Variants in LOC122539214 observed in about 807,000 individuals in gnomAD.
the LOC122539214 span, among the ~76,000 whole-genome samples, chr19:52,657,047 C>A: frequency 2.6e-5 from 4 of 151,864 alleles, no homozygotes; most frequent in African/African-American, 9.7e-5. Context: ...GCCTGGAGAG[C>A]AGAGTTTGAA....
the LOC122539214 span, among the ~76,000 whole-genome samples, chr19:52,658,755 T>C: frequency 6.6e-6 from 1 of 152,096 alleles, no homozygotes; most frequent in Non-Finnish European, 1.5e-5. Flanking sequence ...GTTAAGCCTG[T>C]TTACCCTACC....
the LOC122539214 span, among the ~76,000 whole-genome samples, chr19:52,676,772 T>C: frequency 7.2e-6 from 1 of 139,368 alleles, no homozygotes; most frequent in Non-Finnish European, 1.5e-5. Flanking sequence ...TTTCATTTTG[T>C]TCTGCACTAA....
chr19:52,653,947 G>A, the LOC122539214 span: 2 of 1,190,572 alleles, frequency 1.7e-6, no homozygotes, highest in Non-Finnish European at 2.5e-6. Flanking sequence ...TGTCAATAAT[G>A]AAGAATGGAG....
the LOC122539214 span, among the ~76,000 whole-genome samples, chr19:52,673,487 G>A: frequency 6.7e-6 from 1 of 149,792 alleles, no homozygotes; most frequent in Non-Finnish European, 1.5e-5. Context: ...TACACAAGAA[G>A]AGTGTAACTC....
the LOC122539214 span, chr19:52,660,756 CT>C: frequency 4.7e-6 from 1 of 210,798 alleles, no homozygotes. Context: ...AGGAATATCA[CT>C]TTACCTGAGG....
the LOC122539214 span, chr19:52,654,042 G>C: frequency 1.3e-6 from 2 of 1,582,920 alleles, no homozygotes; most frequent in Non-Finnish European, 1.7e-6. Context: ...AAGCATTGTT[G>C]ATAGACTTCT....
the LOC122539214 span, among the ~76,000 whole-genome samples, chr19:52,662,293 C>T: frequency 6.6e-6 from 1 of 152,124 alleles, no homozygotes; most frequent in Non-Finnish European, 1.5e-5. Context: ...TGTAGGACTG[C>T]AAGGGAATGT....
chr19:52,684,254 T>G, the LOC122539214 span, among the ~76,000 whole-genome samples: 193 of 152,148 alleles, frequency 1.3e-3, no homozygotes, highest in South Asian at 2.3e-3. Context: ...TAATCCCAGC[T>G]ACTCGGGAGG....
the LOC122539214 span, among the ~76,000 whole-genome samples, chr19:52,656,312 A>T: frequency 2.0e-5 from 3 of 151,964 alleles, 1 homozygote; most frequent in African/African-American, 7.3e-5. Flanking sequence ...ACTTAAGGTC[A>T]GGAGTTTGAG....
chr19:52,683,256 GTGTGTGTGTGTGTGTGTGTGTGTGTA>G, the LOC122539214 span, among the ~76,000 whole-genome samples: 614 of 146,902 alleles, frequency 4.2e-3, 3 homozygotes, highest in African/African-American at 0.014. Flanking sequence ...GTGTGTGTGT[GTGTGTGTGTGTGTGTGTGTGTGTGTA>G]TGCTCACGTG....
At chr19:52,651,679 G>C in the LOC122539214 span, 1 of 69,762 alleles carries the variant, frequency 1.4e-5, no homozygotes, top group Non-Finnish European at 2.6e-5. Context: ...GAAAGACTCT[G>C]TCTCAAAAAA....
chr19:52,687,383 A>G, the LOC122539214 span, among the ~76,000 whole-genome samples: 6 of 60,292 alleles, frequency 1.0e-4, 2 homozygotes, highest in African/African-American at 3.9e-4. Flanking sequence ...ATTATAATTT[A>G]TATATATATA....
the LOC122539214 span, among the ~76,000 whole-genome samples, chr19:52,682,340 G>T: frequency 8.1e-3 from 1,227 of 152,190 alleles, 12 homozygotes; most frequent in Non-Finnish European, 0.012. Flanking sequence ...AGCTATGATT[G>T]CACCACTGCA....
chr19:52,675,177 T>G, the LOC122539214 span, among the ~76,000 whole-genome samples: 1 of 152,192 alleles, frequency 6.6e-6, no homozygotes, highest in African/African-American at 2.4e-5. Context: ...CTAATAGCAT[T>G]AACTTGTTTT....
At chr19:52,663,214 G>T in the LOC122539214 span, among the ~76,000 whole-genome samples, 1 of 152,138 alleles carries the variant, frequency 6.6e-6, no homozygotes, top group South Asian at 2.1e-4. Context: ...CTGAGCAAAA[G>T]AAATGTCTCT....
At chr19:52,659,613 CAA>C in the LOC122539214 span, among the ~76,000 whole-genome samples, 8 of 114,212 alleles carry the variant, frequency 7.0e-5, no homozygotes, top group Admixed American at 1.9e-4. Context: ...GACTCCAACT[CAA>C]AAAAAAAAAA....
At chr19:52,668,775 G>A in the LOC122539214 span, among the ~76,000 whole-genome samples, 2 of 152,216 alleles carry the variant, frequency 1.3e-5, no homozygotes, top group Non-Finnish European at 2.9e-5. Context: ...CAGGCCAGAG[G>A]CCCAGATTGT....
the LOC122539214 span, among the ~76,000 whole-genome samples, chr19:52,682,394 T>A: frequency 3.3e-5 from 5 of 151,994 alleles, no homozygotes; most frequent in East Asian, 9.7e-4. Context: ...AAAATAATTC[T>A]GGAAGTGGTG....
At chr19:52,677,627 A>T in the LOC122539214 span, among the ~76,000 whole-genome samples, 1 of 152,160 alleles carries the variant, frequency 6.6e-6, no homozygotes, top group Non-Finnish European at 1.5e-5. Flanking sequence ...TGTAGATTGC[A>T]GAATTGTGTA....
Sources: gnomAD v4.1 joint callset for allele counts (sites outside exome capture counted in the v4.1 genomes callset) on GRCh38, gnomAD v4.1.1 for gene constraint, MANE v1.5 for transcripts.